The following MSANTD2 variants were observed in gnomAD, a reference collection of about 807,000 sequenced individuals.
The protein encoded by MSANTD2 is myb/SANT-like DNA-binding domain-containing protein 2.
A neutral mutation model predicts 52.6 loss-of-function variants in MSANTD2; 19 were observed. That is an observed-to-expected ratio of 0.36 (90% CI 0.25 to 0.53). The LOEUF (loss-of-function observed/expected upper bound fraction) is 0.53. Ranked by LOEUF, MSANTD2 falls within the 20% of genes least tolerant of loss-of-function variation. The pLI is 0.91. For synonymous variants in MSANTD2, 291 were observed against 289.7 expected (o/e 1.00, Z -0.04); for missense variants, 558 against 716.3 (o/e 0.78, Z 2.52).
intron 3 of MSANTD2, among the ~76,000 whole-genome samples, chr11:124,771,465 T>A (rs888013465): frequency 2.0e-5 from 3 of 152,252 alleles, no homozygotes; most frequent in Non-Finnish European, 4.4e-5. Flanking sequence ...AGTGGTGTCT[T>A]GCTGAATAAA....
intron 3 of MSANTD2, among the ~76,000 whole-genome samples, chr11:124,768,803 T>A (rs976944620): frequency 5.9e-5 from 9 of 152,068 alleles, no homozygotes; most frequent in Non-Finnish European, 1.3e-4. Flanking sequence ...AGCAAAAATA[T>A]AGGAATTATT....
In MSANTD2 at chr11:124,779,620, G is replaced by A. The variant is rs1208173121; in HGVS notation, c.511-4646C>T. ...TCTAAGATGTCAGATGAAAAATAAAGTCAATCTGCAAGGAGGACAGCTTAG... is the reference window on the plus strand; with the variant it reads ...TCTAAGATGTCAGATGAAAAATAAAATCAATCTGCAAGGAGGACAGCTTAG... On this transcript the variant is annotated intron_variant, in intron 1 of 3. Transcript: ENST00000374979. This position sits in a 1 kb window ranked among gnomAD's most constrained non-coding sequence, Gnocchi z 4.6. Among the ~76,000 whole-genome samples, 14 of 152,300 alleles carry A rather than the reference G, an allele frequency of 9.2e-5. No homozygotes were observed. The highest frequency in any genetic ancestry group is 1.5e-5 in the Non-Finnish European group (1 of 68,018).
intron 1 of MSANTD2, among the ~76,000 whole-genome samples, chr11:124,780,370 A>C (rs1269334746): frequency 6.6e-6 from 1 of 152,226 alleles, no homozygotes; most frequent in Non-Finnish European, 1.5e-5. Context: ...AAATCCTTTA[A>C]AACCAACCAA....
At position 124,774,892 on chromosome 11, in the gene MSANTD2, T is replaced by C; in HGVS notation, c.593A>G (p.Gln198Arg). ...KSSYTFEQLE[Q>R]VFGQGGWDAQ... ...ATCCCATCCTCCCTGACCAAACACC[T>C]GTTCCAACTGTTCAAATGTGTAACT... The change falls in exon 2 of 4, where the codon CAG becomes CGG. Residue 198 changes from glutamine to arginine, a missense_variant. Gln to Arg is a conservative substitution (Grantham distance 43). This residue lies in a region of MSANTD2 where 408 missense variants were observed against 573.6 expected (regional missense o/e 0.71). Transcript: ENST00000374979. The surrounding 1 kb of genome is among the most constrained non-coding windows in gnomAD (Gnocchi z 5.1). 2.5e-6 allele frequency: 4 copies of C among 1,611,698 alleles called. No individual in the cohort carries two copies. Among genetic ancestry groups the C allele is most frequent in the Non-Finnish European group, 3.4e-6 (4 of 1,179,658 alleles).
At chr11:124,798,259 A>T (rs996449466) in intron 1 of MSANTD2, among the ~76,000 whole-genome samples, 7 of 145,790 alleles carry the variant, frequency 4.8e-5, no homozygotes, top group Non-Finnish European at 9.1e-5. Context: ...AAAAAAAAAA[A>T]ATTTAATGAG....
At chr11:124,787,005 T>G (rs1945182187) in intron 1 of MSANTD2, among the ~76,000 whole-genome samples, 1 of 152,208 alleles carries the variant, frequency 6.6e-6, no homozygotes, top group African/African-American at 2.4e-5. Context: ...GTGCCTTAAT[T>G]TCTTCATCTA....
intron 1 of MSANTD2, among the ~76,000 whole-genome samples, chr11:124,797,592 G>C (rs964062832): frequency 3.3e-5 from 5 of 152,210 alleles, no homozygotes; most frequent in African/African-American, 1.2e-4. Context: ...TGTCCTTAGA[G>C]AGCTTATCAT....
At chr11:124,773,128 T>G (rs1008975047) in intron 2 of MSANTD2, 74 bp from the exon 3 acceptor site, 2 of 818,850 alleles carry the variant, frequency 2.4e-6, no homozygotes, top group African/African-American at 3.4e-5. Context: ...TAAGTAGCTA[T>G]GTTTACTGAT....
intron 1 of MSANTD2, among the ~76,000 whole-genome samples, chr11:124,785,281 A>C (rs1432761655): frequency 6.6e-6 from 1 of 152,216 alleles, no homozygotes; most frequent in East Asian, 1.9e-4. Flanking sequence ...CTGAGTGCTG[A>C]GATTTGGGCT....
In MSANTD2 at chr11:124,767,445, G is replaced by A; in HGVS notation, c.1411C>T (p.Arg471Ter). The A allele has an allele frequency of 1.2e-6, 2 of 1,614,118 alleles. No individual in the cohort carries two copies. The highest frequency in any genetic ancestry group is 1.7e-6 in the Non-Finnish European group (2 of 1,180,024). ...ASLQVEIEPT[R>*]IIYCYLGIAE... ...ATCCCGAGGTAGCAATAGATAATTCGGGTGGGTTCTATTTCCACCTGTAAT... is the reference window on the plus strand; with the variant it reads ...ATCCCGAGGTAGCAATAGATAATTCAGGTGGGTTCTATTTCCACCTGTAAT... Residue 471 changes from arginine to a stop codon, truncating the protein, a stop_gained, in exon 4 of 4, where the codon CGA becomes TGA. Transcript: ENST00000374979. LOFTEE classifies it high-confidence loss of function. The surrounding 1 kb of genome is among the most constrained non-coding windows in gnomAD (Gnocchi z 6.5).
At chr11:124,780,142 A>C (rs1438651507) in intron 1 of MSANTD2, among the ~76,000 whole-genome samples, 4 of 152,220 alleles carry the variant, frequency 2.6e-5, no homozygotes, top group Non-Finnish European at 5.9e-5. Context: ...ACAATATCTT[A>C]TGTAGCATAC....
At chr11:124,776,396 C>G (rs1271111625) in intron 1 of MSANTD2, among the ~76,000 whole-genome samples, 1 of 152,230 alleles carries the variant, frequency 6.6e-6, no homozygotes, top group African/African-American at 2.4e-5. Flanking sequence ...CTTCTGGGTT[C>G]AAGTGATTCT....
At chr11:124,782,624 T>G (rs1431632834) in intron 1 of MSANTD2, among the ~76,000 whole-genome samples, 3 of 152,136 alleles carry the variant, frequency 2.0e-5, no homozygotes, top group Non-Finnish European at 4.4e-5. Flanking sequence ...TTAAGAAACT[T>G]TAATGTTTCC....
intron 1 of MSANTD2, among the ~76,000 whole-genome samples, chr11:124,786,891 T>C (rs1945179473): frequency 6.6e-6 from 1 of 152,180 alleles, no homozygotes; most frequent in African/African-American, 2.4e-5. Context: ...GATGGGCTGA[T>C]TCAGAAAAAG....
At position 124,768,018 on chromosome 11, in the gene MSANTD2, T is replaced by C. The variant is rs754978277; in HGVS notation, c.838A>G (p.Ile280Val). 2 of 1,600,814 alleles carry C rather than the reference T, an allele frequency of 1.2e-6. No individual in the cohort carries two copies. The highest frequency in any genetic ancestry group is 1.1e-5 in the South Asian group (1 of 90,134). The change falls in exon 4 of 4, where the codon ATC becomes GTC. Residue 280 changes from isoleucine to valine, a missense_variant. This residue lies in a region of MSANTD2 where 408 missense variants were observed against 573.6 expected (regional missense o/e 0.71). Coordinates refer to ENST00000374979, the MANE Select transcript of MSANTD2 (RefSeq NM_001308027.2). ...ESSEEAQKRD[I>V]MQNIVQILES... is the part of the protein sequence containing the mutation. ...AAAATCTGTACAATATTCTGCATGA[T>C]GTCTCTCTTCCTGGAAAGACAAATA...
chr11:124,783,626 TAAAAATA>T (rs1231662206), intron 1 of MSANTD2: 4 of 713,588 alleles, frequency 5.6e-6, no homozygotes, highest in East Asian at 2.7e-4. Context: ...TCTCAAAAAA[TAAAAATA>T]AAAAATAAAA....
intron 3 of MSANTD2, among the ~76,000 whole-genome samples, chr11:124,770,886 C>T (rs1944494485): frequency 6.6e-6 from 1 of 151,742 alleles, no homozygotes; most frequent in African/African-American, 2.4e-5. Context: ...GCACCCGCTA[C>T]CATCCCTGGC....
rs368743937 is a variant in MSANTD2 at position 124,767,444 on chromosome 11, C to T, written c.1412G>A (p.Arg471Gln). Residue 471 changes from arginine (R) to glutamine (Q), a missense_variant, in exon 4 of 4, where the codon CGA becomes CAA. This residue lies in a region of MSANTD2 where 408 missense variants were observed against 573.6 expected (regional missense o/e 0.71). Coordinates refer to ENST00000374979, the MANE Select transcript of MSANTD2 (RefSeq NM_001308027.2). The surrounding 1 kb of genome is among the most constrained non-coding windows in gnomAD (Gnocchi z 6.5). ...ASLQVEIEPT[R>Q]IIYCYLGIAE... ...AATCCCGAGGTAGCAATAGATAATT[C>T]GGGTGGGTTCTATTTCCACCTGTAA... 26 of 1,614,070 alleles carry T rather than the reference C, an allele frequency of 1.6e-5. No homozygotes were observed. Among genetic ancestry groups the T allele is most frequent in the Admixed American group, 1.5e-4 (9 of 60,010 alleles).
intron 1 of MSANTD2, among the ~76,000 whole-genome samples, chr11:124,780,693 A>G (rs939041766): frequency 1.3e-5 from 2 of 152,220 alleles, no homozygotes; most frequent in African/African-American, 4.8e-5. Context: ...TATAACATAC[A>G]TTAGTTTGAA....
Sources: allele counts gnomAD v4.1 joint callset (sites outside exome capture counted in the v4.1 genomes callset), GRCh38; gene constraint gnomAD v4.1.1; regional missense constraint gnomAD v4.1.1; non-coding constraint Gnocchi (gnomAD v3.1); transcripts MANE v1.5; gene names NCBI Gene and HGNC (gene_info 2026-07-23, HGNC 2026-07-21).